Variants in RAB2A observed in about 807,000 individuals in gnomAD.
The protein encoded by RAB2A is ras-related protein Rab-2A.
Under a neutral mutation model 32.5 loss-of-function variants are expected in RAB2A, and 7 were observed. The observed-to-expected ratio is 0.22, with a 90% confidence interval of 0.12 to 0.40. RAB2A has a LOEUF of 0.40. Ranked by LOEUF, RAB2A falls within the 10% of genes least tolerant of loss-of-function variation. RAB2A has a pLI of 1.00. For synonymous variants in RAB2A, 79 were observed against 85.2 expected, an observed-to-expected ratio of 0.93 and a Z score of 0.40; for missense variants, 108 against 260.7, an observed-to-expected ratio of 0.41 and a Z score of 4.03.
At chr8:60,573,458 C>G (rs888053739) in intron 3 of RAB2A, among the ~76,000 whole-genome samples, 1 of 152,174 alleles carries the variant, frequency 6.6e-6, no homozygotes, top group African/African-American at 2.4e-5. Flanking sequence ...TTTCCTGATA[C>G]TTCCTATGTG....
chr8:60,530,805 CT>C (rs1465438691), intron 1 of RAB2A, among the ~76,000 whole-genome samples: 1 of 112,892 alleles, frequency 8.9e-6, no homozygotes, highest in Non-Finnish European at 2.0e-5. Context: ...GGCATGCCCA[CT>C]TGTCATGGGC....
intron 1 of RAB2A, among the ~76,000 whole-genome samples, chr8:60,544,080 AAG>A (rs2130819013): frequency 7.0e-6 from 1 of 141,984 alleles, no homozygotes; most frequent in East Asian, 2.1e-4. Context: ...AAAAAAAAAA[AAG>A]TGATAAATTG....
intron 1 of RAB2A, among the ~76,000 whole-genome samples, chr8:60,528,014 G>A (rs1807419222): frequency 6.6e-6 from 1 of 152,106 alleles, no homozygotes; most frequent in African/African-American, 2.4e-5. Flanking sequence ...AGGTTTTTCG[G>A]ACTCCAAAGT....
intron 5 of RAB2A, among the ~76,000 whole-genome samples, chr8:60,585,891 G>T (rs2130849997): frequency 6.6e-6 from 1 of 152,318 alleles, no homozygotes; most frequent in South Asian, 2.1e-4. Context: ...GACACAGTCT[G>T]CATTTCCATG....
intron 1 of RAB2A, among the ~76,000 whole-genome samples, chr8:60,533,326 G>C (rs772261000): frequency 1.3e-5 from 2 of 152,216 alleles, no homozygotes; most frequent in Non-Finnish European, 2.9e-5. Flanking sequence ...ACAAACAGGA[G>C]CCCGTGCTCA....
chr8:60,523,903 G>A (rs561476233), intron 1 of RAB2A, among the ~76,000 whole-genome samples: 2 of 152,058 alleles, frequency 1.3e-5, no homozygotes, highest in Admixed American at 1.3e-4. Flanking sequence ...TGTTAGCCAG[G>A]ATAGTCTCGA....
intron 1 of RAB2A, among the ~76,000 whole-genome samples, chr8:60,524,956 C>T (rs566072196): frequency 8.1e-4 from 123 of 152,302 alleles, no homozygotes; most frequent in Middle Eastern, 3.4e-3. Context: ...GTCTGTATAG[C>T]AGATTCTCAT....
intron 2 of RAB2A, among the ~76,000 whole-genome samples, chr8:60,568,885 A>C (rs1486492780): frequency 6.6e-6 from 1 of 152,234 alleles, no homozygotes; most frequent in African/African-American, 2.4e-5. Context: ...CACATAAAAA[A>C]AAAGGAGAAG....
chr8:60,578,476 G>A (rs1275159025), intron 3 of RAB2A, among the ~76,000 whole-genome samples: 1 of 152,136 alleles, frequency 6.6e-6, no homozygotes, highest in Non-Finnish European at 1.5e-5. Context: ...AGAAAATAGT[G>A]TTTCAGGCAA....
At chr8:60,588,457 G>A (rs556072620) in intron 5 of RAB2A, among the ~76,000 whole-genome samples, 5 of 152,132 alleles carry the variant, frequency 3.3e-5, no homozygotes, top group East Asian at 3.9e-4. Flanking sequence ...CAGATGAATC[G>A]AAAAATAGTG....
chr8:60,585,764 G>T (rs998675140), intron 5 of RAB2A, among the ~76,000 whole-genome samples: 2 of 152,160 alleles, frequency 1.3e-5, no homozygotes, highest in Non-Finnish European at 2.9e-5. Context: ...ATTTCAGCCA[G>T]TTCAAAAGGG....
chr8:60,618,474 C>T (rs983661252), intron 6 of RAB2A, 106 bp from the exon 7 acceptor site: 39 of 461,050 alleles, frequency 8.5e-5, no homozygotes, highest in Non-Finnish European at 1.2e-4. Context: ...TGTATTACGT[C>T]GATTGACTTT....
At chr8:60,521,236 G>A (rs528738379) in intron 1 of RAB2A, among the ~76,000 whole-genome samples, 115 of 152,328 alleles carry the variant, frequency 7.5e-4, no homozygotes, top group African/African-American at 2.5e-3. Context: ...TTGAGGGGAG[G>A]CACTAGGTGA....
chr8:60,563,738 C>T (rs953719476), intron 2 of RAB2A, among the ~76,000 whole-genome samples: 3 of 152,146 alleles, frequency 2.0e-5, no homozygotes, highest in African/African-American at 7.2e-5. Context: ...TTTCTTTAGT[C>T]CCTAATTACT....
chr8:60,582,660 G>A (rs968319517), intron 3 of RAB2A, among the ~76,000 whole-genome samples: 86 of 152,086 alleles, frequency 5.7e-4, no homozygotes, highest in African/African-American at 2.0e-3. Context: ...AGCTGGGGGC[G>A]TGCCACCACA....
At position 60,564,852 on chromosome 8, in the gene RAB2A, C is replaced by G. The variant is rs573803780; in HGVS notation, c.118+5929C>G. On this transcript the variant is annotated intron_variant, in intron 2 of 7. Coordinates refer to ENST00000262646, the MANE Select transcript of RAB2A (RefSeq NM_002865.3). ...TTGCTGTATCTGCACCTGGTACATA[C>G]TAGGGACTTTAAAAATATTTGCTAA... 3.7e-4 allele frequency among the ~76,000 whole-genome samples: 57 copies of G among 152,286 alleles called. No homozygotes were observed. The South Asian group carries it at 9.3e-3, about 25-fold the overall frequency.
At chr8:60,597,082 A>G (rs1447431642) in intron 6 of RAB2A, among the ~76,000 whole-genome samples, 1 of 152,182 alleles carries the variant, frequency 6.6e-6, no homozygotes, top group Non-Finnish European at 1.5e-5. Flanking sequence ...TGACCCTGCA[A>G]TCCCATTACT....
chr8:60,579,125 C>G (rs1803691374), intron 3 of RAB2A, among the ~76,000 whole-genome samples: 1 of 152,316 alleles, frequency 6.6e-6, no homozygotes, highest in East Asian at 1.9e-4. Context: ...TCACTGCAGC[C>G]TCCGCCTCCT....
At chr8:60,529,518 C>T (rs1056893463) in intron 1 of RAB2A, among the ~76,000 whole-genome samples, 7 of 152,036 alleles carry the variant, frequency 4.6e-5, no homozygotes, top group African/African-American at 1.7e-4. Context: ...GGAGTTACTC[C>T]GTTGTCATTA....
Sources: allele counts gnomAD v4.1 joint callset (sites outside exome capture counted in the v4.1 genomes callset), GRCh38; gene constraint gnomAD v4.1.1; transcripts MANE v1.5; gene names NCBI Gene and HGNC (gene_info 2026-07-23, HGNC 2026-07-21).